CCSER1: variants seen among roughly 807,000 people sequenced by gnomAD.
The protein encoded by CCSER1 is serine-rich coiled-coil domain-containing protein 1.
CCSER1 carries 41 observed loss-of-function variants against 82.0 expected under a neutral mutation model. The observed-to-expected ratio is 0.50, with a 90% confidence interval of 0.39 to 0.65. CCSER1 has a LOEUF of 0.65. Ranked by LOEUF, CCSER1 falls within the 30% of genes least tolerant of loss-of-function variation. The pLI is 0.00. For missense variants in CCSER1, 1,119 were observed against 1,064.2 expected, an observed-to-expected ratio of 1.05 and a Z score of -0.72; for synonymous variants, 414 against 383.9, an observed-to-expected ratio of 1.08 and a Z score of -0.92.
intron 6 of CCSER1, among the ~76,000 whole-genome samples, chr4:90,702,957 T>TA (rs1738478238): frequency 6.6e-6 from 1 of 152,212 alleles, no homozygotes; most frequent in African/African-American, 2.4e-5. Context: ...AAGGGTTTTT[T>TA]ATGCCTCTAT....
intron 6 of CCSER1, among the ~76,000 whole-genome samples, chr4:90,701,123 C>T (rs1738023302): frequency 6.6e-6 from 1 of 152,160 alleles, no homozygotes; most frequent in Non-Finnish European, 1.5e-5. Context: ...TTAGGTTTAA[C>T]ATTGAAGTCT....
At chr4:91,115,806 CTTTTTTT>C (rs527629667) in intron 10 of CCSER1, among the ~76,000 whole-genome samples, 4,331 of 101,632 alleles carry the variant, frequency 0.043, 88 homozygotes, top group Non-Finnish European at 0.063. Context: ...CTAGCTTTTT[CTTTTTTT>C]TTTTTTTTTT....
intron 5 of CCSER1, among the ~76,000 whole-genome samples, chr4:90,481,165 T>C (rs1031804993): frequency 3.3e-5 from 5 of 152,208 alleles, no homozygotes; most frequent in African/African-American, 1.2e-4. Context: ...TCACTCATGA[T>C]TTGGCTCTCT....
chr4:90,750,038 G>A (rs1416948275), intron 7 of CCSER1, among the ~76,000 whole-genome samples: 2 of 152,076 alleles, frequency 1.3e-5, no homozygotes, highest in Non-Finnish European at 2.9e-5. Context: ...TTCTCTGATG[G>A]CCAGTGATGG....
At chr4:90,307,230 C>T (rs1486534513) in intron 1 of CCSER1, among the ~76,000 whole-genome samples, 1 of 152,068 alleles carries the variant, frequency 6.6e-6, no homozygotes, top group African/African-American at 2.4e-5. Flanking sequence ...CTCGTGTCCT[C>T]CTCCTCCTTT....
intron 3 of CCSER1, among the ~76,000 whole-genome samples, chr4:90,360,697 T>C (rs1235947519): frequency 6.6e-6 from 1 of 152,068 alleles, no homozygotes; most frequent in Non-Finnish European, 1.5e-5. Context: ...GAGTCCATTC[T>C]GCAGAAAAGA....
chr4:90,419,984 A>G (rs1237293261), intron 4 of CCSER1, among the ~76,000 whole-genome samples: 1 of 151,892 alleles, frequency 6.6e-6, no homozygotes, highest in African/African-American at 2.4e-5. Context: ...GCAAAAGACT[A>G]CTTAGATATA....
intron 8 of CCSER1, among the ~76,000 whole-genome samples, chr4:90,835,558 G>C (rs529853215): frequency 2.2e-4 from 34 of 152,140 alleles, no homozygotes; most frequent in African/African-American, 6.7e-4. Flanking sequence ...TAGAATCACT[G>C]TGTGCTGTTC....
At position 90,957,082 on chromosome 4, in the gene CCSER1, G is replaced by A. The variant is rs1195576044; in HGVS notation, c.2172+33635G>A. On this transcript the variant is annotated intron_variant, in intron 9 of 10. Coordinates refer to ENST00000509176, the MANE Select transcript of CCSER1 (RefSeq NM_001145065.2). ...CATGAATCAGCAGCAGATCCAGCCT[G>A]ATATTTCTTTCTTTCCTTTTTTTTT... Among the ~76,000 whole-genome samples, 15 of 130,870 alleles carry A rather than the reference G, an allele frequency of 1.1e-4. No individual in the cohort carries two copies. The East Asian group carries it at 3.6e-3, about 31-fold the overall frequency. 85.9% of individuals were successfully genotyped at this position (130,870 alleles called of 152,430 possible). A position where few individuals can be genotyped will look rare whatever the true frequency, so the allele number is the denominator to read the frequency against.
At chr4:90,632,483 A>T (rs1431702401) in intron 6 of CCSER1, among the ~76,000 whole-genome samples, 2 of 151,922 alleles carry the variant, frequency 1.3e-5, no homozygotes, top group African/African-American at 4.8e-5. Context: ...TATATAATAT[A>T]TACTTTCAAT....
At chr4:90,388,392 C>G (rs1316198324) in intron 3 of CCSER1, among the ~76,000 whole-genome samples, 1 of 152,026 alleles carries the variant, frequency 6.6e-6, no homozygotes, top group Non-Finnish European at 1.5e-5. Flanking sequence ...TCACTGCAAC[C>G]TTTGCCCGCT....
At chr4:90,985,636 CAGTATT>C (rs1247902744) in intron 9 of CCSER1, among the ~76,000 whole-genome samples, 8 of 151,662 alleles carry the variant, frequency 5.3e-5, no homozygotes, top group Admixed American at 4.6e-4. Context: ...TGTGTACTCT[CAGTATT>C]AGTAATACAT....
chr4:91,449,551 G>C (rs900396051), intron 10 of CCSER1, among the ~76,000 whole-genome samples: 11 of 151,940 alleles, frequency 7.2e-5, no homozygotes, highest in Non-Finnish European at 2.9e-5. Flanking sequence ...CTCTGTTTAG[G>C]TTCCTTCTCT....
At chr4:90,271,410 A>G (rs531084877) in intron 1 of CCSER1, among the ~76,000 whole-genome samples, 29 of 152,104 alleles carry the variant, frequency 1.9e-4, no homozygotes, top group Non-Finnish European at 3.7e-4. Flanking sequence ...TTTTCAATAA[A>G]TGGTTCTGGG....
rs35636292 is a variant in CCSER1 at position 90,347,311 on chromosome 4, CTCTA to C, written c.1509+34302_1509+34305del. On this transcript the variant is annotated intron_variant, in intron 3 of 10. Transcript: ENST00000509176. ...ATTCAGTGATAACTATTAACATAAGCTCTATCTATCTATCTATCTATCTATCTAT... is the reference window on the plus strand; with the variant it reads ...ATTCAGTGATAACTATTAACATAAGCTCTATCTATCTATCTATCTATCTAT... 9.1e-3 allele frequency among the ~76,000 whole-genome samples: 1,357 copies of C among 148,706 alleles called. 11 individuals are homozygous for C. The highest frequency in any genetic ancestry group is 0.012 in the African/African-American group (483 of 40,260).
At chr4:91,525,984 T>A (rs1760745061) in intron 10 of CCSER1, among the ~76,000 whole-genome samples, 1 of 152,198 alleles carries the variant, frequency 6.6e-6, no homozygotes, top group Non-Finnish European at 1.5e-5. Flanking sequence ...CAAAATATTT[T>A]AATCCCAAAT....
intron 9 of CCSER1, among the ~76,000 whole-genome samples, chr4:91,001,663 T>C (rs963705707): frequency 1.3e-5 from 2 of 152,148 alleles, no homozygotes; most frequent in African/African-American, 4.8e-5. Context: ...GTTAGGTGAG[T>C]CTCTTGAGAG....
At chr4:90,876,251 A>T (rs2150051767) in intron 8 of CCSER1, among the ~76,000 whole-genome samples, 1 of 152,252 alleles carries the variant, frequency 6.6e-6, no homozygotes, top group Middle Eastern at 3.4e-3. Flanking sequence ...TAATTCCACC[A>T]AGATTATCAT....
intron 10 of CCSER1, among the ~76,000 whole-genome samples, chr4:91,197,462 G>A (rs76449851): frequency 0.028 from 4,264 of 152,132 alleles, 198 homozygotes; most frequent in African/African-American, 0.098. Context: ...GTGACTGTTG[G>A]GCACTTAAAT....
Sources: allele counts gnomAD v4.1 joint callset (sites outside exome capture counted in the v4.1 genomes callset), GRCh38; gene constraint gnomAD v4.1.1; transcripts MANE v1.5; gene names NCBI Gene and HGNC (gene_info 2026-07-23, HGNC 2026-07-21).